Variants in NCK1 observed in about 807,000 individuals in gnomAD.
The protein encoded by NCK1 is NCK adaptor protein 1.
NCK1 carries 19 observed loss-of-function variants against 36.6 expected under a neutral mutation model. The ratio of observed to expected loss-of-function variants is 0.52; its 90% CI spans 0.36 to 0.76. NCK1 has a LOEUF of 0.76. Among genes scored for constraint, NCK1 ranks in the 30% least tolerant of loss-of-function variants. The pLI is 0.00. For synonymous variants in NCK1, 165 were observed against 156.0 expected, an observed-to-expected ratio of 1.06 and a Z score of -0.43; for missense variants, 358 against 445.6, an observed-to-expected ratio of 0.80 and a Z score of 1.77.
intron 2 of NCK1, among the ~76,000 whole-genome samples, chr3:136,933,797 C>T (rs1174015445): frequency 1.3e-5 from 2 of 152,070 alleles, no homozygotes; most frequent in Non-Finnish European, 2.9e-5. Context: ...TTCTGTCTCT[C>T]AAGTTCAAAC....
intron 1 of NCK1, chr3:136,889,082 CA>C (rs1939157610): frequency 8.9e-6 from 1 of 112,884 alleles, no homozygotes; most frequent in South Asian, 2.9e-4. Flanking sequence ...TTTGTAGAGA[CA>C]GTCTCACTGT....
At chr3:136,916,694 AG>A (rs1338306155) in intron 1 of NCK1, among the ~76,000 whole-genome samples, 1 of 152,232 alleles carries the variant, frequency 6.6e-6, no homozygotes, top group Non-Finnish European at 1.5e-5. Flanking sequence ...TTAGATTAGA[AG>A]GGTAAGGATC....
chr3:136,901,666 G>A (rs535303800), intron 1 of NCK1, among the ~76,000 whole-genome samples: 46 of 152,222 alleles, frequency 3.0e-4, no homozygotes, highest in African/African-American at 2.6e-4. Context: ...CAGTATGTTA[G>A]TGTATCGTTG....
In NCK1 at chr3:136,920,266, T is replaced by C. The variant is rs370583971; in HGVS notation, c.-18-7718T>C. Among the ~76,000 whole-genome samples, 134 of 152,152 alleles carry C rather than the reference T, an allele frequency of 8.8e-4. 2 individuals are homozygous for C. The highest frequency in any genetic ancestry group is 2.9e-3 in the African/African-American group (122 of 41,540). ...TTTCTTCTTTTTTTTTAAAAAATAGTGTAGGTCAAATAAAATTCCATCTAA... is the reference window on the plus strand; with the variant it reads ...TTTCTTCTTTTTTTTTAAAAAATAGCGTAGGTCAAATAAAATTCCATCTAA... On this transcript the variant is annotated intron_variant, in intron 1 of 3. Coordinates refer to ENST00000481752, the MANE Select transcript of NCK1 (RefSeq NM_001291999.2).
intron 1 of NCK1, among the ~76,000 whole-genome samples, chr3:136,923,883 T>A (rs966311989): frequency 1.3e-5 from 2 of 152,204 alleles, no homozygotes; most frequent in Non-Finnish European, 2.9e-5. Context: ...TGAGCCTAAC[T>A]CTACGTCCAG....
chr3:136,863,628 A>G (rs913503870), intron 1 of NCK1, among the ~76,000 whole-genome samples: 2 of 152,214 alleles, frequency 1.3e-5, no homozygotes, highest in Admixed American at 1.3e-4. Context: ...ATCTGTGGAA[A>G]TTGGCTGTAA....
At chr3:136,929,208 C>G (rs1375593304) in intron 2 of NCK1, among the ~76,000 whole-genome samples, 14 of 152,210 alleles carry the variant, frequency 9.2e-5, no homozygotes, top group Admixed American at 7.9e-4. Context: ...GCTGGGACTA[C>G]AGATGCTTAC....
Position 136,945,604 on chromosome 3 carries a change from A to T in NCK1, c.248A>T (p.Lys83Ile), listed in dbSNP as rs1250697408. Reference sequence around the variant, plus strand: ...ACAGGCATTGGAAAAGTGAAAAGAAAACCTAGTGTGCCAGATTCTGCATCT... The same window carrying T: ...ACAGGCATTGGAAAAGTGAAAAGAATACCTAGTGTGCCAGATTCTGCATCT... ...DTLGIGKVKRKPSVPDSASPA... is the reference protein window; with the variant it reads ...DTLGIGKVKRIPSVPDSASPA... Residue 83 changes from lysine to isoleucine, a missense_variant, in exon 3 of 4, where the codon AAA becomes ATA. Coordinates refer to ENST00000481752, the MANE Select transcript of NCK1 (RefSeq NM_001291999.2). 1 of 1,606,316 alleles carries T rather than the reference A, an allele frequency of 6.2e-7. No homozygotes were observed. The highest frequency in any genetic ancestry group is 1.3e-5 in the African/African-American group (1 of 74,598).
intron 1 of NCK1, among the ~76,000 whole-genome samples, chr3:136,905,502 C>T (rs1024883227): frequency 2.6e-5 from 4 of 152,132 alleles, no homozygotes; most frequent in African/African-American, 9.7e-5. Flanking sequence ...ATCTGCCTGC[C>T]TCAGCCTTCC....
chr3:136,902,072 A>G (rs1022721094), intron 1 of NCK1, among the ~76,000 whole-genome samples: 8 of 151,614 alleles, frequency 5.3e-5, no homozygotes, highest in Non-Finnish European at 1.2e-4. Context: ...ATTTGTTTCA[A>G]TAATTTTTTT....
chr3:136,880,832 C>T (rs1258180678), intron 1 of NCK1, among the ~76,000 whole-genome samples: 1 of 152,110 alleles, frequency 6.6e-6, no homozygotes, highest in African/African-American at 2.4e-5. Flanking sequence ...TGGTCTTGAA[C>T]TCCTGGTCTC....
At chr3:136,875,643 A>G (rs1297040520) in intron 1 of NCK1, among the ~76,000 whole-genome samples, 1 of 151,612 alleles carries the variant, frequency 6.6e-6, no homozygotes, top group Non-Finnish European at 1.5e-5. Context: ...GAGCACCCAG[A>G]TTCATAAAGC....
chr3:136,900,946 A>T (rs1003243843), intron 1 of NCK1, among the ~76,000 whole-genome samples: 2 of 151,972 alleles, frequency 1.3e-5, no homozygotes, highest in African/African-American at 4.8e-5. Flanking sequence ...TTGCAGTACT[A>T]TGTTGAATAG....
At chr3:136,903,410 A>G (rs1161340553) in intron 1 of NCK1, among the ~76,000 whole-genome samples, 1 of 152,126 alleles carries the variant, frequency 6.6e-6, no homozygotes, top group Admixed American at 6.5e-5. Context: ...TAAAAAATCT[A>G]TTCAATCAGT....
intron 1 of NCK1, among the ~76,000 whole-genome samples, chr3:136,917,232 CT>C (rs11455373): frequency 1.8e-4 from 25 of 139,178 alleles, no homozygotes; most frequent in Admixed American, 2.9e-4. Context: ...ACATTATGAG[CT>C]TTTTTTTTTT....
intron 1 of NCK1, among the ~76,000 whole-genome samples, chr3:136,895,081 G>T (rs1474536106): frequency 6.6e-6 from 1 of 152,078 alleles, no homozygotes; most frequent in East Asian, 1.9e-4. Flanking sequence ...CTCCATCTTG[G>T]TCAGGCTGGT....
intron 2 of NCK1, among the ~76,000 whole-genome samples, chr3:136,937,110 A>G (rs1214564760): frequency 2.0e-5 from 3 of 152,134 alleles, no homozygotes; most frequent in South Asian, 2.1e-4. Context: ...TAGCTCTGAC[A>G]TTTGGTCATT....
chr3:136,874,306 G>C (rs1007626698), intron 1 of NCK1, among the ~76,000 whole-genome samples: 1 of 152,050 alleles, frequency 6.6e-6, no homozygotes, highest in Non-Finnish European at 1.5e-5. Context: ...CTCCCAAGTA[G>C]GTGAGATTAC....
Position 136,950,087 on chromosome 3 carries a change from A to G in NCK1, c.*1634A>G, listed in dbSNP as rs1940933458. Among the ~76,000 whole-genome samples the G allele has an allele frequency of 6.6e-6, 1 of 152,136 alleles. No individual in the cohort carries two copies. The highest frequency in any genetic ancestry group is 6.5e-5 in the Admixed American group (1 of 15,270). On this transcript the variant is annotated 3_prime_UTR_variant, in exon 4 of 4. Transcript: ENST00000481752. Reference sequence around the variant, plus strand: ...AGTTAAGTTTTTAATGGAAATAAAAATCATGTATGCTTATCTTTGCTGTAA... The same window carrying G: ...AGTTAAGTTTTTAATGGAAATAAAAGTCATGTATGCTTATCTTTGCTGTAA...
Sources: allele counts gnomAD v4.1 joint callset (sites outside exome capture counted in the v4.1 genomes callset), GRCh38; gene constraint gnomAD v4.1.1; transcripts MANE v1.5; gene names NCBI Gene and HGNC (gene_info 2026-07-23, HGNC 2026-07-21).